TP63: variants seen among roughly 807,000 people sequenced by gnomAD.
TP63 encodes the protein tumor protein 63.
TP63 carries 17 observed loss-of-function variants against 82.8 expected under a neutral mutation model. That is an observed-to-expected ratio of 0.21 (90% CI 0.14 to 0.31). The LOEUF (loss-of-function observed/expected upper bound fraction) is 0.31, where lower values mean the gene tolerates loss of function less well. Ranked by LOEUF, TP63 falls within the 10% of genes least tolerant of loss-of-function variation. TP63 has a pLI of 1.00. For synonymous variants in TP63, 330 were observed against 321.7 expected (o/e 1.03, Z -0.28); for missense variants, 648 against 895.3 (o/e 0.72, Z 3.52).
In TP63 at chr3:189,751,047, C is replaced by A. The variant is rs9820038; in HGVS notation, c.324+12273C>A. On this transcript the variant is annotated intron_variant, in intron 3 of 13. Coordinates refer to ENST00000264731, the MANE Select transcript of TP63 (RefSeq NM_003722.5). ...AAGTGTTCTGATTGTTCAGTTCCCA[C>A]CTATGAGTGAGAACATGCGGTGTTT... Among the ~76,000 whole-genome samples the A allele has an allele frequency of 1.2e-4, 19 of 152,150 alleles. No individual in the cohort carries two copies. The East Asian group carries it at 2.5e-3, about 20-fold the overall frequency.
chr3:189,825,513 G>T (rs1344727168), intron 4 of TP63, among the ~76,000 whole-genome samples: 1 of 152,140 alleles, frequency 6.6e-6, no homozygotes, highest in Non-Finnish European at 1.5e-5. Flanking sequence ...GAAATACATG[G>T]ATATTTGCTT....
At chr3:189,879,648 A>G (rs888856200) in intron 10 of TP63, among the ~76,000 whole-genome samples, 2 of 151,934 alleles carry the variant, frequency 1.3e-5, no homozygotes, top group African/African-American at 4.8e-5. Context: ...CTTTTTTTTA[A>G]TTGAGTCCAG....
Position 189,631,513 on chromosome 3 carries a change from G to C in TP63, c.-3G>C, listed in dbSNP as rs770510830. 2.3e-5 allele frequency: 37 copies of C among 1,612,514 alleles called. No individual in the cohort carries two copies. In the South Asian group the frequency reaches 4.0e-4, roughly 17 times the overall value. ...TCGTTGATATCAAAGACAGTTGAAGGAAATGAATTTTGAAACTTCACGGTG... is the reference window on the plus strand; with the variant it reads ...TCGTTGATATCAAAGACAGTTGAAGCAAATGAATTTTGAAACTTCACGGTG... On this transcript the variant is annotated 5_prime_UTR_variant, in exon 1 of 14. Coordinates refer to ENST00000264731, the MANE Select transcript of TP63 (RefSeq NM_003722.5).
chr3:189,675,383 A>G (rs981726804), intron 1 of TP63, among the ~76,000 whole-genome samples: 12 of 152,146 alleles, frequency 7.9e-5, no homozygotes, highest in African/African-American at 2.9e-4. Context: ...AAAATAGAAA[A>G]AAATTACTGT....
At chr3:189,807,657 A>G (rs1284108026) in intron 3 of TP63, among the ~76,000 whole-genome samples, 3 of 152,234 alleles carry the variant, frequency 2.0e-5, no homozygotes, top group African/African-American at 7.2e-5. Flanking sequence ...TTACTTTTTA[A>G]AATACATAGT....
At position 189,761,856 on chromosome 3, in the gene TP63, A is replaced by G. The variant is rs1577366001; in HGVS notation, c.324+23082A>G. On this transcript the variant is annotated intron_variant, in intron 3 of 13. Transcript: ENST00000264731. ...GGCTGAAGGCAAGGAGGAGCAAGTCACATCTTATGTGGATGGCAGCAGGCA... is the reference window on the plus strand; with the variant it reads ...GGCTGAAGGCAAGGAGGAGCAAGTCGCATCTTATGTGGATGGCAGCAGGCA... 4.6e-5 allele frequency among the ~76,000 whole-genome samples: 7 copies of G among 152,194 alleles called. No individual in the cohort carries two copies. In the South Asian group the frequency reaches 1.5e-3, roughly 32 times the overall value.
intron 1 of TP63, among the ~76,000 whole-genome samples, chr3:189,705,893 C>G (rs1718161039): frequency 6.6e-6 from 1 of 152,110 alleles, no homozygotes; most frequent in Non-Finnish European, 1.5e-5. Flanking sequence ...TTCACAATGC[C>G]AGCAGCCATT....
intron 10 of TP63, among the ~76,000 whole-genome samples, chr3:189,877,048 G>T (rs1719310097): frequency 6.6e-6 from 1 of 152,066 alleles, no homozygotes; most frequent in Admixed American, 6.5e-5. Flanking sequence ...GTTTTCTTCT[G>T]CCTGCTTTTC....
At chr3:189,761,044 C>G (rs138935112) in intron 3 of TP63, among the ~76,000 whole-genome samples, 1 of 152,296 alleles carries the variant, frequency 6.6e-6, no homozygotes, top group East Asian at 1.9e-4. Flanking sequence ...AGCACAGATA[C>G]CCTGGGCTTG....
intron 4 of TP63, among the ~76,000 whole-genome samples, chr3:189,842,221 GGAGAGAGA>G (rs113554185): frequency 7.4e-5 from 11 of 149,588 alleles, no homozygotes; most frequent in African/African-American, 2.4e-5. Context: ...TCTTCTGTCT[GGAGAGAGA>G]GAGAGAGAGA....
chr3:189,886,469 G>A lies in TP63; in HGVS notation c.1425G>A (p.Leu475=). 6.2e-7 allele frequency: 1 copy of A among 1,614,088 alleles called. No homozygotes were observed. The highest frequency in any genetic ancestry group is 8.5e-7 in the Non-Finnish European group (1 of 1,180,012). The change falls in exon 11 of 14, where the codon CTG becomes CTA. Residue 475 remains leucine, a synonymous_variant. Transcript: ENST00000264731. ...PLNKMNSMNK[L]PSVSQLINPQ... ...ACAAAATGAACAGCATGAACAAGCT[G>A]CCTTCTGTGAGCCAGCTTATCAACC...
At chr3:189,692,859 A>T (rs375893470) in intron 1 of TP63, among the ~76,000 whole-genome samples, 8 of 152,304 alleles carry the variant, frequency 5.3e-5, no homozygotes, top group African/African-American at 1.9e-4. Flanking sequence ...CTTCAGGCAG[A>T]TCTAGCATGG....
At chr3:189,785,086 A>T (rs1724497828) in intron 3 of TP63, among the ~76,000 whole-genome samples, 1 of 152,010 alleles carries the variant, frequency 6.6e-6, no homozygotes, top group African/African-American at 2.4e-5. Context: ...CATGCTGACA[A>T]CTGTCCCTTT....
chr3:189,602,135 T>C, the TP63 span, among the ~76,000 whole-genome samples: 1 of 152,052 alleles, frequency 6.6e-6, no homozygotes, highest in Non-Finnish European at 1.5e-5. Flanking sequence ...CACTGAAAAA[T>C]GAGGACAATA....
chr3:189,632,212 A>G (rs1234154858), intron 1 of TP63, among the ~76,000 whole-genome samples: 4 of 152,158 alleles, frequency 2.6e-5, no homozygotes, highest in Non-Finnish European at 5.9e-5. Context: ...GGTAAATGAA[A>G]TCTGAACAGT....
intron 1 of TP63, among the ~76,000 whole-genome samples, chr3:189,639,690 G>A (rs1261504242): frequency 6.6e-6 from 1 of 152,086 alleles, no homozygotes; most frequent in African/African-American, 2.4e-5. Context: ...TCATCATAAT[G>A]TTAAGACTGA....
rs1341337563 is a variant in TP63 at position 189,866,777 on chromosome 3, G to A, written c.862G>A (p.Val288Ile). ...DPITGRQSVL[V>I]PYEPPQVGTE... is the part of the protein sequence containing the mutation. ...CATCACAGGAAGACAGAGTGTGCTG[G>A]TACCTTATGAGCCACCCCAGGTAAA... The change falls in exon 6 of 14, where the codon GTA becomes ATA. Residue 288 changes from valine (V) to isoleucine (I), a missense_variant. This residue lies in a region of TP63 where 30 missense variants were observed against 26.4 expected (regional missense o/e 1.14). Transcript: ENST00000264731. 1 of 1,613,978 alleles carries A rather than the reference G, an allele frequency of 6.2e-7. No homozygotes were observed. Among genetic ancestry groups the A allele is most frequent in the Non-Finnish European group, 8.5e-7 (1 of 1,179,966 alleles).
At chr3:189,803,724 A>G (rs1487909620) in intron 3 of TP63, among the ~76,000 whole-genome samples, 1 of 152,206 alleles carries the variant, frequency 6.6e-6, no homozygotes, top group East Asian at 1.9e-4. Flanking sequence ...CACAACTACA[A>G]ATAAATTTTC....
intron 4 of TP63, among the ~76,000 whole-genome samples, chr3:189,855,488 A>G (rs1343839671): frequency 6.6e-6 from 1 of 152,156 alleles, no homozygotes; most frequent in Non-Finnish European, 1.5e-5. Context: ...ATATGGTGTT[A>G]TTTTTAACTG....
Sources: gnomAD v4.1 joint callset for allele counts (sites outside exome capture counted in the v4.1 genomes callset) on GRCh38, gnomAD v4.1.1 for gene constraint, gnomAD v4.1.1 regional missense constraint, MANE v1.5 for transcripts, NCBI Gene and HGNC (gene_info 2026-07-23, HGNC 2026-07-21) for gene names.